The following KCTD13 variants were observed in gnomAD, a reference collection of about 807,000 sequenced individuals.
KCTD13 encodes potassium channel tetramerization domain containing 13.
A neutral mutation model predicts 32.3 loss-of-function variants in KCTD13; 15 were observed. That is an observed-to-expected ratio of 0.46 (90% confidence interval 0.31 to 0.71). The LOEUF is 0.71. Among genes scored for constraint, KCTD13 ranks in the 30% least tolerant of loss-of-function variants. The pLI is 0.05. For synonymous variants in KCTD13, 189 were observed against 200.1 expected, an observed-to-expected ratio of 0.94 and a Z score of 0.47; for missense variants, 337 against 452.6, an observed-to-expected ratio of 0.74 and a Z score of 2.32.
chr16:29,912,398 TG>T (rs2068730411), intron 2 of KCTD13: 1 of 389,082 alleles, frequency 2.6e-6, no homozygotes, highest in African/African-American at 2.2e-5. Flanking sequence ...CCAGCCCCCC[TG>T]GCTAAAACAG....
At chr16:29,922,932 A>G (rs2068937168) in intron 2 of KCTD13, 3 of 487,324 alleles carry the variant, frequency 6.2e-6, no homozygotes, top group African/African-American at 1.9e-5. Context: ...CGAGTGTAAC[A>G]GCTGGACTGG....
intron 2 of KCTD13, chr16:29,913,303 C>G (rs1374795100): frequency 6.6e-6 from 1 of 152,038 alleles, no homozygotes; most frequent in African/African-American, 2.4e-5. Context: ...TTAAGATAGG[C>G]TGCAAAGCCA....
rs747087552 is a variant in KCTD13 at position 29,911,871 on chromosome 16, G to A, written c.505-4C>T. ...TGTGCAGGAGCTTCACCACGGGCTG[G>A]CGGGGGAGAGAGGATGGACGAGAGG... is the stretch of plus-strand genomic sequence containing the variant. On this transcript the variant is annotated splice_region_variant and splice_polypyrimidine_tract_variant and intron_variant, in intron 3 of 5. Transcript: ENST00000568000. 11 of 1,612,402 alleles carry A rather than the reference G, an allele frequency of 6.8e-6. No homozygotes were observed. The East Asian group carries it at 2.5e-4, about 36-fold the overall frequency.
At chr16:29,923,748 G>C (rs180734916) in intron 1 of KCTD13, among the ~76,000 whole-genome samples, 5 of 152,024 alleles carry the variant, frequency 3.3e-5, no homozygotes, top group African/African-American at 7.2e-5. Context: ...GCTACTCGGG[G>C]GGGGGCGAGG....
chr16:29,911,914 AG>A (rs770003356), intron 3 of KCTD13, 45 bp downstream of exon 3: 1 of 1,607,698 alleles, frequency 6.2e-7, no homozygotes, highest in Admixed American at 1.7e-5. Context: ...CTGCAGGGAG[AG>A]GCCCCCCCAG....
intron 2 of KCTD13, 26 bp downstream of exon 2, chr16:29,923,164 G>T (rs1402748159): frequency 6.2e-7 from 1 of 1,612,566 alleles, no homozygotes; most frequent in Admixed American, 1.7e-5. Context: ...CAGGAACATA[G>T]GCATGGGGAC....
In KCTD13 at chr16:29,906,949, C is replaced by T; in HGVS notation, c.913G>A (p.Val305Ile). 6.2e-7 allele frequency: 1 copy of T among 1,614,134 alleles called. No homozygotes were observed. Among genetic ancestry groups the T allele is most frequent in the Non-Finnish European group, 8.5e-7 (1 of 1,179,988 alleles). ...TGGCGCCGGACATGGATCCTGCGGA[C>T]ACGGTGCTCTCGGTTCTCTTCATCC... ...GEDEENREHR[V>I]RRIHVRRHIT... The change falls in exon 6 of 6, where the codon GTC (valine) becomes ATC (isoleucine). Residue 305 changes from valine to isoleucine, a missense_variant. By Grantham distance (29) the Val-to-Ile change is conservative. Transcript: ENST00000568000.
intron 4 of KCTD13, 105 bp from the exon 5 acceptor site, chr16:29,911,278 G>T (rs1248131585): frequency 2.2e-6 from 2 of 893,112 alleles, no homozygotes; most frequent in Non-Finnish European, 3.5e-6. Flanking sequence ...TCCTGCCCAG[G>T]GCTTTGGTGC....
At chr16:29,923,521 A>T (rs1443743926) in intron 1 of KCTD13, among the ~76,000 whole-genome samples, 162 bp from the exon 2 acceptor site, 1 of 152,124 alleles carries the variant, frequency 6.6e-6, no homozygotes, top group Non-Finnish European at 1.5e-5. Context: ...CCTCCCAAGT[A>T]CTTGGATTAT....
In KCTD13 at chr16:29,911,003, T is replaced by C; in HGVS notation, c.728A>G (p.Tyr243Cys). The change falls in exon 5 of 6, where the codon TAT becomes TGT. Residue 243 changes from tyrosine to cysteine, a missense_variant. This residue lies in a region of KCTD13 where 252 missense variants were observed against 340.2 expected (regional missense o/e 0.74). Coordinates refer to ENST00000568000, the MANE Select transcript of KCTD13 (RefSeq NM_178863.5). ...CTTGGTCTGCTTCTTCTCCGTAGCA[T>C]AGACAATGGAGGTGCAGCACACCTC... ...IAEVCCTSIV[Y>C]ATEKKQTKVE... 1 of 1,614,036 alleles carries C rather than the reference T, an allele frequency of 6.2e-7. No homozygotes were observed. Among genetic ancestry groups the C allele is most frequent in the Non-Finnish European group, 8.5e-7 (1 of 1,179,980 alleles).
chr16:29,915,512 C>T (rs573089263), intron 2 of KCTD13, among the ~76,000 whole-genome samples: 10 of 150,978 alleles, frequency 6.6e-5, no homozygotes, highest in African/African-American at 2.2e-4. Flanking sequence ...ATTAGCTGGG[C>T]GTGGTGGTGG....
At chr16:29,909,143 C>T (rs946052211) in intron 5 of KCTD13, among the ~76,000 whole-genome samples, 1 of 152,122 alleles carries the variant, frequency 6.6e-6, no homozygotes, top group African/African-American at 2.4e-5. Context: ...AAAGACATGG[C>T]CCTGCCCTCA....
rs762254839 is a variant in KCTD13, at chr16:29,923,165, G to A, written c.414+25C>T. 1.9e-6 allele frequency: 3 copies of A among 1,612,622 alleles called. No individual in the cohort carries two copies. In the South Asian group the frequency reaches 3.3e-5, roughly 18 times the overall value. On this transcript the variant is annotated intron_variant, in intron 2 of 5. Coordinates refer to ENST00000568000, the MANE Select transcript of KCTD13 (RefSeq NM_178863.5). ...TTGGGCAGCTCTCCCAGGAACATAG[G>A]CATGGGGACTCCGAAGGCCCTCACC... is the stretch of plus-strand genomic sequence containing the variant.
chr16:29,914,465 T>C (rs2068773975), intron 2 of KCTD13: 1 of 150,246 alleles, frequency 6.7e-6, no homozygotes, highest in African/African-American at 2.5e-5. Flanking sequence ...AAATGGAGTC[T>C]TGCTCTGTCT....
intron 5 of KCTD13, 38 bp downstream of exon 5, chr16:29,910,940 C>A (rs756082849): frequency 1.3e-6 from 2 of 1,581,576 alleles, no homozygotes; most frequent in Admixed American, 1.7e-5. Context: ...GTCCTGGCCA[C>A]CCCCAGCCCC....
At position 29,907,179 on chromosome 16, in the gene KCTD13, G is replaced by T. The variant is rs565806505; in HGVS notation, c.754-71C>A. On this transcript the variant is annotated intron_variant, in intron 5 of 5. Transcript: ENST00000568000. ...ACGCAGGGCCATCCCCCTGCCTAGG[G>T]CCCCTGCACCAACACACCTCCTAGC... 1.4e-4 allele frequency: 154 copies of T among 1,096,462 alleles called. No homozygotes were observed. In the African/African-American group the frequency reaches 2.2e-3, roughly 16 times the overall value. The allele number at this position is 1,096,462 out of a possible 1,614,324, so 67.9% of individuals were successfully genotyped here. A position where few individuals can be genotyped will look rare whatever the true frequency, so the allele number is the denominator to read the frequency against.
At chr16:29,921,538 T>G (rs1243181662) in intron 2 of KCTD13, 2 of 152,140 alleles carry the variant, frequency 1.3e-5, no homozygotes, top group Non-Finnish European at 2.9e-5. Context: ...CTCCCTCGCG[T>G]TTCTTTTTAC....
intron 1 of KCTD13, among the ~76,000 whole-genome samples, chr16:29,923,788 A>G (rs1246104974): frequency 6.6e-6 from 1 of 150,614 alleles, no homozygotes; most frequent in African/African-American, 2.5e-5. Context: ...CGGGAGGTGG[A>G]GTTTGCAGTG....
intron 2 of KCTD13, among the ~76,000 whole-genome samples, chr16:29,915,669 T>C (rs963332079): frequency 6.6e-6 from 1 of 151,952 alleles, no homozygotes; most frequent in African/African-American, 2.4e-5. Context: ...CCTTCTCTAC[T>C]TTGGGCTTGT....
Sources: gnomAD v4.1 joint callset for allele counts (sites outside exome capture counted in the v4.1 genomes callset) on GRCh38, gnomAD v4.1.1 for gene constraint, gnomAD v4.1.1 regional missense constraint, MANE v1.5 for transcripts, NCBI Gene and HGNC (gene_info 2026-07-23, HGNC 2026-07-21) for gene names.